GPR158: variants seen among roughly 807,000 people sequenced by gnomAD.
The protein encoded by GPR158 is metabotropic glycine receptor.
Under a neutral mutation model 78.2 loss-of-function variants are expected in GPR158, and 30 were observed. The ratio of observed to expected loss-of-function variants is 0.38; its 90% CI spans 0.29 to 0.52. The LOEUF is 0.52. Among genes scored for constraint, GPR158 ranks in the 20% least tolerant of loss-of-function variants. The pLI, the probability that GPR158 is intolerant of heterozygous loss-of-function variation, is 0.83. For missense variants in GPR158, 1,463 were observed against 1,523.5 expected, an observed-to-expected ratio of 0.96 and a Z score of 0.66; for synonymous variants, 581 against 591.1, an observed-to-expected ratio of 0.98 and a Z score of 0.25.
chr10:25,317,729 TTGTTTTGTTTTG>T (rs1854878748), intron 2 of GPR158, among the ~76,000 whole-genome samples: 4 of 145,386 alleles, frequency 2.8e-5, no homozygotes, highest in East Asian at 4.0e-4. Flanking sequence ...TTTTTTTGTT[TTGTTTTGTTTTG>T]TTTTTGAGAC....
At chr10:25,566,942 A>G (rs574403365) in intron 6 of GPR158, among the ~76,000 whole-genome samples, 110 of 152,130 alleles carry the variant, frequency 7.2e-4, no homozygotes, top group African/African-American at 2.6e-3. Context: ...TCTTTTGTCA[A>G]TAATTGATTG....
rs1023761120 is a variant in GPR158, at chr10:25,242,656, G to C, written c.1008+21499G>C. On this transcript the variant is annotated intron_variant, in intron 2 of 10. Transcript: ENST00000376351. ...CTTGATTTGAAACATTTTATGTTTA[G>C]ACTGGATTTTCCTTTATTTAAGATT... Among the ~76,000 whole-genome samples the C allele has an allele frequency of 3.3e-5, 5 of 152,140 alleles. No homozygotes were observed. In the East Asian group the frequency reaches 7.7e-4, roughly 23 times the overall value.
chr10:25,255,830 A>G (rs1853882437), intron 2 of GPR158, among the ~76,000 whole-genome samples: 1 of 152,200 alleles, frequency 6.6e-6, no homozygotes, highest in African/African-American at 2.4e-5. Flanking sequence ...TTACATCCAC[A>G]ACATTCCTTC....
At chr10:25,581,172 C>T (rs1837192972) in intron 7 of GPR158, among the ~76,000 whole-genome samples, 3 of 152,034 alleles carry the variant, frequency 2.0e-5, no homozygotes, top group Non-Finnish European at 2.9e-5. Flanking sequence ...TCATGATCCA[C>T]CCGCCTCGGC....
At chr10:25,358,167 C>A (rs1855578736) in intron 2 of GPR158, among the ~76,000 whole-genome samples, 2 of 152,102 alleles carry the variant, frequency 1.3e-5, no homozygotes, top group Admixed American at 6.6e-5. Flanking sequence ...GCCTGTACCC[C>A]CATTGTATCA....
chr10:25,220,264 AGTGGTGCTGCTG>A (rs1361491005), intron 1 of GPR158, among the ~76,000 whole-genome samples: 1 of 152,184 alleles, frequency 6.6e-6, no homozygotes, highest in African/African-American at 2.4e-5. Context: ...AACTGCTGCT[AGTGGTGCTGCTG>A]GTGGTGAAAA....
At chr10:25,544,579 TATC>T (rs1836635579) in intron 5 of GPR158, among the ~76,000 whole-genome samples, 1 of 152,190 alleles carries the variant, frequency 6.6e-6, no homozygotes, top group Admixed American at 6.5e-5. Flanking sequence ...ATATCACTAT[TATC>T]ATAATTCATA....
At chr10:25,272,554 AAGAC>A (rs1374915355) in intron 2 of GPR158, among the ~76,000 whole-genome samples, 1 of 152,204 alleles carries the variant, frequency 6.6e-6, no homozygotes, top group Non-Finnish European at 1.5e-5. Context: ...TATAGACAGA[AAGAC>A]AGAGAAATGT....
At chr10:25,264,587 G>T (rs573209221) in intron 2 of GPR158, among the ~76,000 whole-genome samples, 20 of 152,140 alleles carry the variant, frequency 1.3e-4, no homozygotes, top group Admixed American at 1.1e-3. Context: ...TCTATACACA[G>T]AACTGTGAGA....
At chr10:25,390,808 C>CAAA (rs1834285278) in intron 2 of GPR158, among the ~76,000 whole-genome samples, 1 of 152,194 alleles carries the variant, frequency 6.6e-6, no homozygotes, top group Non-Finnish European at 1.5e-5. Flanking sequence ...CAGAAATTTG[C>CAAA]TTAATCACCA....
chr10:25,368,935 G>A (rs1206518552), intron 2 of GPR158, among the ~76,000 whole-genome samples: 1 of 128,154 alleles, frequency 7.8e-6, no homozygotes, highest in East Asian at 2.0e-4. Flanking sequence ...TGAAGCAATT[G>A]GGAATGGGAG....
At chr10:25,365,103 G>A (rs1017696137) in intron 2 of GPR158, among the ~76,000 whole-genome samples, 2 of 151,596 alleles carry the variant, frequency 1.3e-5, no homozygotes, top group African/African-American at 4.8e-5. Context: ...CATTATTTTG[G>A]TAGTTTAATA....
intron 2 of GPR158, among the ~76,000 whole-genome samples, chr10:25,363,122 C>CT (rs1855666568): frequency 6.6e-6 from 1 of 151,712 alleles, no homozygotes; most frequent in Admixed American, 6.6e-5. Flanking sequence ...TTCTAGATTA[C>CT]TTTATTATAA....
intron 2 of GPR158, among the ~76,000 whole-genome samples, chr10:25,358,699 A>G (rs890751120): frequency 1.3e-5 from 2 of 152,068 alleles, no homozygotes; most frequent in East Asian, 1.9e-4. Flanking sequence ...AGTCTCAGGT[A>G]TGTCTTTATC....
chr10:25,580,923 A>ATT lies in GPR158; in HGVS notation c.1753+8039_1753+8040dup, dbSNP rs71677287. The stretch of plus-strand genomic sequence containing the variant: ...TTATTTTTTTATTTTATTTTATTTT[A>ATT]TTTTATTTTTTTGAGACGGAGTCTC... On this transcript the variant is annotated intron_variant, in intron 7 of 10. Coordinates refer to ENST00000376351, the MANE Select transcript of GPR158 (RefSeq NM_020752.3). Among the ~76,000 whole-genome samples the ATT allele has an allele frequency of 7.3e-3, 755 of 102,814 alleles. 14 individuals carry two copies. The highest frequency in any genetic ancestry group is 0.046 in the African/African-American group (712 of 15,594). 67.4% of individuals were successfully genotyped at this position (102,814 alleles called of 152,430 possible).
At chr10:25,382,229 C>T (rs1004623449) in intron 2 of GPR158, among the ~76,000 whole-genome samples, 2 of 152,122 alleles carry the variant, frequency 1.3e-5, no homozygotes, top group African/African-American at 4.8e-5. Context: ...TGGGCTTGCT[C>T]ACTCGGCGAG....
chr10:25,325,960 A>G (rs1460745396), intron 2 of GPR158, among the ~76,000 whole-genome samples: 1 of 150,728 alleles, frequency 6.6e-6, no homozygotes, highest in Non-Finnish European at 1.5e-5. Context: ...CTTTTCTTCA[A>G]CTTTTAAGTT....
chr10:25,587,907 G>A (rs1837291856), intron 7 of GPR158, among the ~76,000 whole-genome samples: 1 of 152,186 alleles, frequency 6.6e-6, no homozygotes, highest in Non-Finnish European at 1.5e-5. Context: ...GGACATCAAT[G>A]TTTCTGTTTA....
intron 7 of GPR158, among the ~76,000 whole-genome samples, chr10:25,581,819 C>A (rs1358081644): frequency 6.6e-6 from 1 of 152,074 alleles, no homozygotes; most frequent in Non-Finnish European, 1.5e-5. Context: ...CCAAACAATA[C>A]CCATGCAAAT....
Sources: allele counts gnomAD v4.1 joint callset (sites outside exome capture counted in the v4.1 genomes callset), GRCh38; gene constraint gnomAD v4.1.1; transcripts MANE v1.5; gene names NCBI Gene and HGNC (gene_info 2026-07-23, HGNC 2026-07-21).